The following GALNTL6 variants were observed in gnomAD, a reference collection of about 807,000 sequenced individuals.
The protein encoded by GALNTL6 is polypeptide N-acetylgalactosaminyltransferase like 6, also known as polypeptide N-acetylgalactosaminyltransferase-like 6.
GALNTL6 carries 46 observed loss-of-function variants against 73.7 expected under a neutral mutation model. That is an observed-to-expected ratio of 0.62 (90% CI 0.49 to 0.80). The LOEUF (loss-of-function observed/expected upper bound fraction) is 0.80, where lower values mean the gene tolerates loss of function less well. GALNTL6 is among the 30% of genes least tolerant of loss of function. The pLI is 0.00. For missense variants in GALNTL6, 604 were observed against 755.0 expected, an observed-to-expected ratio of 0.80 and a Z score of 2.34; for synonymous variants, 259 against 263.7, an observed-to-expected ratio of 0.98 and a Z score of 0.17.
intron 2 of GALNTL6, among the ~76,000 whole-genome samples, chr4:171,914,583 T>C (rs2110968015): frequency 6.6e-6 from 1 of 151,812 alleles, no homozygotes; most frequent in African/African-American, 2.4e-5. Flanking sequence ...CCATGCCCAA[T>C]TTTTGTATTT....
chr4:172,828,956 C>G (rs4696031), intron 7 of GALNTL6, among the ~76,000 whole-genome samples: 1 of 151,966 alleles, frequency 6.6e-6, no homozygotes. Context: ...GTCAAGGTGT[C>G]GGCGGAGCTA....
intron 10 of GALNTL6, among the ~76,000 whole-genome samples, chr4:172,991,263 T>G (rs1394376454): frequency 6.6e-6 from 1 of 152,228 alleles, no homozygotes; most frequent in African/African-American, 2.4e-5. Flanking sequence ...TCTTTTTGCC[T>G]TTTTTCTGTA....
chr4:172,064,941 A>T (rs1579102725), intron 2 of GALNTL6, among the ~76,000 whole-genome samples: 2 of 152,210 alleles, frequency 1.3e-5, no homozygotes, highest in East Asian at 1.9e-4. Flanking sequence ...AGTTTTACAA[A>T]TTTTTTTCTA....
chr4:172,221,832 AGCTGGATTATAACCACT>A (rs947834735), intron 2 of GALNTL6, among the ~76,000 whole-genome samples: 31 of 151,936 alleles, frequency 2.0e-4, no homozygotes, highest in African/African-American at 7.2e-4. Context: ...TTTGTATGTC[AGCTGGATTATAACCACT>A]GCTGATTTCT....
intron 5 of GALNTL6, among the ~76,000 whole-genome samples, chr4:172,679,412 A>C (rs1339160629): frequency 9.5e-6 from 1 of 105,282 alleles, no homozygotes; most frequent in East Asian, 3.6e-4. Context: ...ACTCCATCTC[A>C]AAAAAAAAAA....
chr4:172,366,445 T>G (rs2111248903), intron 5 of GALNTL6, among the ~76,000 whole-genome samples: 1 of 152,288 alleles, frequency 6.6e-6, no homozygotes, highest in Non-Finnish European at 1.5e-5. Flanking sequence ...AATAATTTTA[T>G]TCCTTCTCTT....
intron 10 of GALNTL6, among the ~76,000 whole-genome samples, chr4:172,965,867 C>T (rs1016464496): frequency 6.6e-6 from 1 of 151,962 alleles, no homozygotes; most frequent in Non-Finnish European, 1.5e-5. Flanking sequence ...TAAATATATA[C>T]TTTTTTGGAT....
chr4:172,267,403 T>C (rs1471782181), intron 3 of GALNTL6, among the ~76,000 whole-genome samples: 2 of 152,100 alleles, frequency 1.3e-5, no homozygotes, highest in Non-Finnish European at 2.9e-5. Context: ...AAATAGTGCA[T>C]AGGTTTTATT....
intron 5 of GALNTL6, among the ~76,000 whole-genome samples, chr4:172,630,186 C>T (rs988380586): frequency 5.9e-5 from 9 of 152,052 alleles, no homozygotes; most frequent in African/African-American, 2.2e-4. Flanking sequence ...CAGGTTTTCA[C>T]CACACCTAAA....
At chr4:172,270,520 C>A (rs1738604674) in intron 3 of GALNTL6, among the ~76,000 whole-genome samples, 1 of 152,126 alleles carries the variant, frequency 6.6e-6, no homozygotes, top group African/African-American at 2.4e-5. Context: ...CAGACTGTAC[C>A]ATACAGTGCA....
At chr4:172,731,245 G>C (rs962365757) in intron 5 of GALNTL6, among the ~76,000 whole-genome samples, 8 of 152,050 alleles carry the variant, frequency 5.3e-5, no homozygotes, top group South Asian at 2.1e-4. Context: ...TGTTTGTTTT[G>C]TTAAGGTTTC....
chr4:171,902,224 A>T (rs886495362), intron 2 of GALNTL6, among the ~76,000 whole-genome samples: 1 of 152,238 alleles, frequency 6.6e-6, no homozygotes, highest in African/African-American at 2.4e-5. Flanking sequence ...AAAGAGAATG[A>T]TAAACAAAGT....
intron 2 of GALNTL6, among the ~76,000 whole-genome samples, chr4:172,157,578 C>G (rs1263436841): frequency 6.6e-6 from 1 of 152,086 alleles, no homozygotes; most frequent in Non-Finnish European, 1.5e-5. Flanking sequence ...CAATTTACCT[C>G]AAGATACTTG....
At chr4:172,451,039 ACT>A (rs1173462884) in intron 5 of GALNTL6, among the ~76,000 whole-genome samples, 1 of 151,936 alleles carries the variant, frequency 6.6e-6, no homozygotes, top group Non-Finnish European at 1.5e-5. Context: ...CAGTGCCCAG[ACT>A]CTGTTCAGCA....
intron 1 of GALNTL6, 123 bp from the exon 2 acceptor site, chr4:171,814,289 T>G: frequency 2.3e-6 from 1 of 430,984 alleles, no homozygotes; most frequent in Non-Finnish European, 4.1e-6. Context: ...CTCTATTGCT[T>G]TATATTAATG....
chr4:171,930,505 T>C (rs888267217), intron 2 of GALNTL6, among the ~76,000 whole-genome samples: 1 of 152,102 alleles, frequency 6.6e-6, no homozygotes, highest in African/African-American at 2.4e-5. Flanking sequence ...GCTGACATCA[T>C]ACTGAATGGG....
At chr4:172,770,263 C>CGCAA (rs1364573729) in intron 5 of GALNTL6, among the ~76,000 whole-genome samples, 1 of 42,806 alleles carries the variant, frequency 2.3e-5, no homozygotes, top group African/African-American at 6.2e-5. Flanking sequence ...AGGACTCCAT[C>CGCAA]TCAATAAATA....
rs1740348495 is a variant in GALNTL6, at chr4:172,311,299, G to A, written c.248-315G>A. On this transcript the variant is annotated intron_variant, in intron 3 of 12. Transcript: ENST00000506823. ...TAAATAAAAAGTATACAATTATTCT[G>A]GAAAAATCAAGTTACAAATCAGTGT... is the stretch of plus-strand genomic sequence containing the variant. Among the ~76,000 whole-genome samples the A allele has an allele frequency of 3.3e-5, 5 of 152,026 alleles. No homozygotes were observed. In the South Asian group the frequency reaches 1.0e-3, roughly 31 times the overall value.
intron 6 of GALNTL6, among the ~76,000 whole-genome samples, chr4:172,812,651 A>G (rs935394952): frequency 3.3e-5 from 5 of 152,154 alleles, no homozygotes; most frequent in Non-Finnish European, 7.4e-5. Context: ...GAGAAGCACA[A>G]TGGAACACTC....
Sources: gnomAD v4.1 joint callset for allele counts (sites outside exome capture counted in the v4.1 genomes callset) on GRCh38, gnomAD v4.1.1 for gene constraint, MANE v1.5 for transcripts, NCBI Gene and HGNC (gene_info 2026-07-23, HGNC 2026-07-21) for gene names.